Variants in LIG1 observed in about 807,000 individuals in gnomAD.
LIG1 encodes ligase I, DNA, ATP-dependent.
Under a neutral mutation model 115.7 loss-of-function variants are expected in LIG1, and 70 were observed. That is an observed-to-expected ratio of 0.60 (90% confidence interval 0.50 to 0.74). The LOEUF (loss-of-function observed/expected upper bound fraction) is 0.74, where lower values mean the gene tolerates loss of function less well. LIG1 is among the 30% of genes least tolerant of loss of function. LIG1 has a pLI of 0.00. For synonymous variants in LIG1, 487 were observed against 495.3 expected, an observed-to-expected ratio of 0.98 and a Z score of 0.22; for missense variants, 1,115 against 1,225.6, an observed-to-expected ratio of 0.91 and a Z score of 1.35.
intron 24 of LIG1, among the ~76,000 whole-genome samples, chr19:48,119,955 A>C (rs1034575089): frequency 1.3e-5 from 2 of 152,206 alleles, no homozygotes. Context: ...GGCAATAATC[A>C]CCAATATAAA....
chr19:48,142,951 A>G (rs901670841), intron 11 of LIG1, among the ~76,000 whole-genome samples: 4 of 152,254 alleles, frequency 2.6e-5, no homozygotes, highest in African/African-American at 7.2e-5. Flanking sequence ...CTCCATGATA[A>G]TATTTATATA....
chr19:48,132,701 G>T (rs947572353), intron 18 of LIG1, among the ~76,000 whole-genome samples: 1 of 144,078 alleles, frequency 6.9e-6, no homozygotes. Context: ...TGAGGCAGGA[G>T]AATCACTTGA....
intron 1 of LIG1, 55 bp from the exon 2 acceptor site, chr19:48,165,678 C>A: frequency 1.6e-6 from 2 of 1,246,418 alleles, no homozygotes; most frequent in Non-Finnish European, 1.2e-6. Flanking sequence ...GAGATCTAAA[C>A]ACACATAAAA....
intron 20 of LIG1, 97 bp downstream of exon 20, chr19:48,127,811 ACT>A (rs2033768848): frequency 2.1e-6 from 2 of 971,530 alleles, no homozygotes; most frequent in African/African-American, 1.6e-5. Flanking sequence ...CCAGACTGAC[ACT>A]CTGCCCTTCT....
intron 14 of LIG1, 64 bp from the exon 15 acceptor site, chr19:48,136,189 T>C: frequency 8.1e-7 from 1 of 1,231,340 alleles, no homozygotes; most frequent in East Asian, 2.5e-5. Flanking sequence ...CCTCCTCCCT[T>C]CTCTGATCTC....
chr19:48,140,149 G>T lies in LIG1; in HGVS notation c.915-6C>A, dbSNP rs1387594489. 6.2e-7 allele frequency: 1 copy of T among 1,611,982 alleles called. No homozygotes were observed. Among genetic ancestry groups the T allele is most frequent in the East Asian group, 2.2e-5 (1 of 44,866 alleles). On this transcript the variant is annotated splice_region_variant and splice_polypyrimidine_tract_variant and intron_variant, in intron 11 of 27. Transcript: ENST00000263274. The stretch of plus-strand genomic sequence containing the variant: ...GCGTCTCCACCATCCGGAGCCTGGA[G>T]GAGGGGACGGGGGTATGAACACGTG...
chr19:48,146,026 C>G (rs274897), intron 9 of LIG1: 95,633 of 152,176 alleles, frequency 0.63, 31,261 homozygotes, highest in East Asian at 0.87. Context: ...TGGAGCATTG[C>G]GTCAGGGAAA....
intron 17 of LIG1, 49 bp from the exon 18 acceptor site, chr19:48,133,146 G>A (rs780655909): frequency 8.3e-7 from 1 of 1,212,112 alleles, no homozygotes; most frequent in East Asian, 2.3e-5. Context: ...CAATGGATTA[G>A]AGGGGGAACA....
At chr19:48,143,450 A>C in intron 11 of LIG1, 93 bp downstream of exon 11, 3 of 1,125,644 alleles carry the variant, frequency 2.7e-6, no homozygotes, top group Non-Finnish European at 4.0e-6. Flanking sequence ...CCAAGTTGAC[A>C]GGGTTTGGCG....
chr19:48,127,948 T>A lies in LIG1; in HGVS notation c.1894A>T (p.Ile632Phe). ...AVAWDREKKQ[I>F]QPFQVLTTRK... ...GTGGTGAGCACTTGGAATGGCTGGATCTGCTTCTTTTCCCGGTCCCAAGCC... is the reference window on the plus strand; with the variant it reads ...GTGGTGAGCACTTGGAATGGCTGGAACTGCTTCTTTTCCCGGTCCCAAGCC... Residue 632 changes from isoleucine to phenylalanine, a missense_variant, in exon 20 of 28, where the codon ATC becomes TTC. Coordinates refer to ENST00000263274, the MANE Select transcript of LIG1 (RefSeq NM_000234.3). 1 of 1,614,136 alleles carries A rather than the reference T, an allele frequency of 6.2e-7. No homozygotes were observed. The highest frequency in any genetic ancestry group is 8.5e-7 in the Non-Finnish European group (1 of 1,180,034).
At chr19:48,125,700 TG>T (rs1480315327) in intron 21 of LIG1, among the ~76,000 whole-genome samples, 1 of 152,210 alleles carries the variant, frequency 6.6e-6, no homozygotes, top group Non-Finnish European at 1.5e-5. Context: ...GATGATCATC[TG>T]GGATGGGCCG....
At chr19:48,170,039 C>T in intron 1 of LIG1, 2 of 349,284 alleles carry the variant, frequency 5.7e-6, no homozygotes, top group South Asian at 4.0e-5. Flanking sequence ...CTACCTGGCC[C>T]CCCTCCCTCT....
rs770678108 is a variant in LIG1, at chr19:48,137,053, C to A, written c.1286G>T (p.Gly429Val). 5 of 1,612,418 alleles carry A rather than the reference C, an allele frequency of 3.1e-6. No individual in the cohort carries two copies. Among genetic ancestry groups the A allele is most frequent in the Non-Finnish European group, 4.2e-6 (5 of 1,179,568 alleles). The change falls in exon 14 of 28, where the codon GGC (glycine) becomes GTC (valine). Residue 429 changes from glycine (G) to valine (V), a missense_variant. Physicochemically the swap from Gly to Val is moderately radical, Grantham distance 109. Coordinates refer to ENST00000263274, the MANE Select transcript of LIG1 (RefSeq NM_000234.3). The surrounding 1 kb of genome is among the most constrained non-coding windows in gnomAD (Gnocchi z 4.3). ...TGAGTGGCGGCAGGCCACAAAGAGGCCTTTGATGATGTCTATCTTCTTGGC... is the reference window on the plus strand; with the variant it reads ...TGAGTGGCGGCAGGCCACAAAGAGGACTTTGATGATGTCTATCTTCTTGGC... ...STAKKIDIIK[G>V]LFVACRHSEA...
At chr19:48,166,669 C>T (rs1158795004) in intron 1 of LIG1, among the ~76,000 whole-genome samples, 1 of 152,010 alleles carries the variant, frequency 6.6e-6, no homozygotes, top group African/African-American at 2.4e-5. Flanking sequence ...TTTAGAGTAA[C>T]TCTAATGAAA....
chr19:48,127,876 G>A, intron 20 of LIG1, 34 bp downstream of exon 20: 1 of 1,524,004 alleles, frequency 6.6e-7, no homozygotes, highest in Non-Finnish European at 9.1e-7. Flanking sequence ...AGGAAGTACG[G>A]GGCCTTGGCA....
chr19:48,131,044 T>G, intron 19 of LIG1, 32 bp downstream of exon 19: 1 of 1,572,692 alleles, frequency 6.4e-7, no homozygotes, highest in Non-Finnish European at 8.8e-7. Context: ...CCACAGACCC[T>G]GGCAGAGTGC....
intron 4 of LIG1, among the ~76,000 whole-genome samples, chr19:48,157,363 T>C (rs1215070270): frequency 1.3e-5 from 2 of 152,124 alleles, no homozygotes; most frequent in Non-Finnish European, 2.9e-5. Flanking sequence ...TTCTGTTTTC[T>C]ACAGTAACAG....
chr19:48,157,248 G>T, intron 4 of LIG1, 108 bp from the exon 5 acceptor site: 1 of 1,285,142 alleles, frequency 7.8e-7, no homozygotes, highest in Non-Finnish European at 1.1e-6. Flanking sequence ...CCTCCTTTCT[G>T]ACCCTATGGT....
At chr19:48,125,597 G>A (rs1200592017) in intron 21 of LIG1, among the ~76,000 whole-genome samples, 1 of 152,144 alleles carries the variant, frequency 6.6e-6, no homozygotes, top group East Asian at 1.9e-4. Context: ...ACAAATGCAC[G>A]CGGCCAACAA....
Sources: allele counts gnomAD v4.1 joint callset (sites outside exome capture counted in the v4.1 genomes callset), GRCh38; gene constraint gnomAD v4.1.1; non-coding constraint Gnocchi (gnomAD v3.1); transcripts MANE v1.5; gene names NCBI Gene and HGNC (gene_info 2026-07-23, HGNC 2026-07-21).